AGBL4: variants seen among roughly 807,000 people sequenced by gnomAD.
The protein encoded by AGBL4 is cytosolic carboxypeptidase 6.
Under a neutral mutation model 66.4 loss-of-function variants are expected in AGBL4, and 58 were observed. The ratio of observed to expected loss-of-function variants is 0.87; its 90% confidence interval spans 0.71 to 1.09. The LOEUF (loss-of-function observed/expected upper bound fraction) is 1.09. AGBL4 is among the 50% of genes least tolerant of loss of function. The pLI is 0.00. For synonymous variants in AGBL4, 234 were observed against 222.9 expected (o/e 1.05, Z -0.44); for missense variants, 579 against 631.0 (o/e 0.92, Z 0.88).
chr1:49,566,687 G>A (rs1255367444), intron 3 of AGBL4, among the ~76,000 whole-genome samples: 2 of 152,178 alleles, frequency 1.3e-5, no homozygotes, highest in Non-Finnish European at 2.9e-5. Flanking sequence ...ACCTGGCTTT[G>A]TGAGGTGTCA....
chr1:49,634,728 G>C (rs547067075), intron 3 of AGBL4, among the ~76,000 whole-genome samples: 2 of 152,268 alleles, frequency 1.3e-5, no homozygotes, highest in East Asian at 3.9e-4. Context: ...AGCATCTGTT[G>C]TTTCCTGACT....
At chr1:49,382,728 C>T (rs1387335047) in intron 3 of AGBL4, among the ~76,000 whole-genome samples, 1 of 152,144 alleles carries the variant, frequency 6.6e-6, no homozygotes, top group Non-Finnish European at 1.5e-5. Context: ...AAAAGTATCT[C>T]TGTTCACAGA....
At chr1:48,818,170 A>G in intron 6 of AGBL4, 1 of 715,916 alleles carries the variant, frequency 1.4e-6, no homozygotes. Flanking sequence ...CAAATTTGGA[A>G]AGGCCACCAT....
intron 3 of AGBL4, among the ~76,000 whole-genome samples, chr1:49,313,782 G>C (rs976492649): frequency 6.6e-6 from 1 of 152,040 alleles, no homozygotes; most frequent in Non-Finnish European, 1.5e-5. Context: ...TTGTCAGATG[G>C]ATAGATTGCA....
intron 2 of AGBL4, among the ~76,000 whole-genome samples, chr1:49,710,371 T>C (rs1399134387): frequency 2.0e-5 from 3 of 152,038 alleles, no homozygotes; most frequent in Non-Finnish European, 4.4e-5. Flanking sequence ...TTTTCACTCA[T>C]AAGTGGGAGT....
chr1:48,682,722 C>T (rs1194690725), intron 6 of AGBL4, among the ~76,000 whole-genome samples: 6 of 152,154 alleles, frequency 3.9e-5, no homozygotes, highest in African/African-American at 1.2e-4. Context: ...GGAGATAATA[C>T]TATAGGTATG....
intron 3 of AGBL4, among the ~76,000 whole-genome samples, chr1:49,470,374 G>T (rs1405630309): frequency 6.6e-6 from 1 of 151,996 alleles, no homozygotes; most frequent in African/African-American, 2.4e-5. Context: ...CACTATTTGA[G>T]AGAGAGAATA....
chr1:49,280,241 G>A (rs868026715), intron 3 of AGBL4, among the ~76,000 whole-genome samples: 6 of 151,938 alleles, frequency 3.9e-5, no homozygotes, highest in African/African-American at 7.3e-5. Flanking sequence ...ACCACTTACC[G>A]CAAACTACTT....
chr1:49,709,882 C>G (rs1298717888), intron 2 of AGBL4, among the ~76,000 whole-genome samples: 1 of 152,028 alleles, frequency 6.6e-6, no homozygotes, highest in African/African-American at 2.4e-5. Flanking sequence ...AATATCAAAA[C>G]CAAAATAGAT....
intron 9 of AGBL4, chr1:48,634,097 C>T (rs1645631805): frequency 6.4e-6 from 1 of 155,344 alleles, no homozygotes. Context: ...CAGTCAAGTT[C>T]CCTATGTGTA....
At chr1:49,118,319 T>G (rs1382643986) in intron 4 of AGBL4, among the ~76,000 whole-genome samples, 1 of 152,162 alleles carries the variant, frequency 6.6e-6, no homozygotes, top group African/African-American at 2.4e-5. Flanking sequence ...ATGCTTCCAA[T>G]TTTTGCCTAT....
chr1:49,777,975 C>T (rs1269402123), intron 2 of AGBL4, among the ~76,000 whole-genome samples: 1 of 152,178 alleles, frequency 6.6e-6, no homozygotes, highest in African/African-American at 2.4e-5. Flanking sequence ...CTCCCATTAT[C>T]CCACACCACT....
intron 4 of AGBL4, among the ~76,000 whole-genome samples, chr1:49,237,032 G>C (rs1253453878): frequency 6.6e-6 from 1 of 151,540 alleles, no homozygotes; most frequent in Non-Finnish European, 1.5e-5. Flanking sequence ...AAGGTGGGCG[G>C]ATCATGAGGT....
chr1:49,512,205 G>A (rs1039753115), intron 3 of AGBL4, among the ~76,000 whole-genome samples: 1 of 151,986 alleles, frequency 6.6e-6, no homozygotes, highest in Admixed American at 6.6e-5. Context: ...CTTAAAATGT[G>A]TAAGAAGAGG....
chr1:49,857,807 A>G (rs1357060180), intron 1 of AGBL4, among the ~76,000 whole-genome samples: 1 of 152,142 alleles, frequency 6.6e-6, no homozygotes, highest in African/African-American at 2.4e-5. Flanking sequence ...GGTCTAGGCA[A>G]AGATTTAATG....
chr1:48,997,458 T>A (rs1373363136), intron 5 of AGBL4, among the ~76,000 whole-genome samples: 1 of 152,206 alleles, frequency 6.6e-6, no homozygotes, highest in East Asian at 1.9e-4. Context: ...CTAGCTAAGA[T>A]GACCCATTTG....
chr1:49,268,424 A>G (rs1643976664), intron 3 of AGBL4, among the ~76,000 whole-genome samples: 1 of 146,818 alleles, frequency 6.8e-6, no homozygotes, highest in Non-Finnish European at 1.5e-5. Flanking sequence ...ACACACACAC[A>G]CACACACACA....
At chr1:49,297,848 T>C (rs1644671173) in intron 3 of AGBL4, among the ~76,000 whole-genome samples, 1 of 152,152 alleles carries the variant, frequency 6.6e-6, no homozygotes, top group African/African-American at 2.4e-5. Context: ...CCCTAGCAGC[T>C]TCCTCACTCC....
chr1:49,582,600 A>G (rs377752834), intron 3 of AGBL4, among the ~76,000 whole-genome samples: 1 of 152,156 alleles, frequency 6.6e-6, no homozygotes, highest in East Asian at 1.9e-4. Context: ...ATGGAAGCTC[A>G]TGCCCCACTC....
Sources: gnomAD v4.1 joint callset for allele counts (sites outside exome capture counted in the v4.1 genomes callset) on GRCh38, gnomAD v4.1.1 for gene constraint, MANE v1.5 for transcripts, NCBI Gene and HGNC (gene_info 2026-07-23, HGNC 2026-07-21) for gene names.